The following DNER variants were observed in gnomAD, a reference collection of about 807,000 sequenced individuals.
DNER encodes the protein delta/notch like EGF repeat containing.
In DNER, 33 loss-of-function variants were observed where a neutral mutation model predicts 78.2. The ratio of observed to expected loss-of-function variants is 0.42; its 90% confidence interval spans 0.32 to 0.56. DNER has a LOEUF of 0.56. DNER is among the 20% of genes least tolerant of loss of function. DNER has a pLI of 0.11. For missense variants in DNER, 918 were observed against 975.3 expected (o/e 0.94, Z 0.78); for synonymous variants, 417 against 384.8 (o/e 1.08, Z -0.98).
At chr2:229,688,157 G>T (rs747351945) in intron 1 of DNER, among the ~76,000 whole-genome samples, 1 of 152,150 alleles carries the variant, frequency 6.6e-6, no homozygotes, top group Non-Finnish European at 1.5e-5. Context: ...TACACCAAAC[G>T]GACCTTCCTG....
At chr2:229,471,916 A>T (rs10933301) in intron 7 of DNER, among the ~76,000 whole-genome samples, 54,954 of 152,090 alleles carry the variant, frequency 0.36, 11,721 homozygotes, top group African/African-American at 0.6. Flanking sequence ...TCCACTCTAC[A>T]GCCTCGTCAC....
At chr2:229,548,276 G>C (rs1313049268) in intron 4 of DNER, among the ~76,000 whole-genome samples, 1 of 152,152 alleles carries the variant, frequency 6.6e-6, no homozygotes, top group African/African-American at 2.4e-5. Flanking sequence ...ATGGCTTAAA[G>C]AGCTAAATAC....
At chr2:229,407,443 G>T (rs1031193631) in intron 9 of DNER, 98 bp from the exon 10 acceptor site, 5 of 1,035,688 alleles carry the variant, frequency 4.8e-6, no homozygotes, top group African/African-American at 1.6e-5. Context: ...CAATGCGAGG[G>T]AGATTCCCAG....
intron 1 of DNER, among the ~76,000 whole-genome samples, chr2:229,599,062 A>C (rs1482180045): frequency 6.6e-6 from 1 of 152,116 alleles, no homozygotes. Flanking sequence ...CAAATGTGAC[A>C]AAGCCCCAGA....
At chr2:229,412,202 A>G (rs1157173020) in intron 9 of DNER, among the ~76,000 whole-genome samples, 1 of 152,226 alleles carries the variant, frequency 6.6e-6, no homozygotes, top group African/African-American at 2.4e-5. Flanking sequence ...CTAGTTTTGA[A>G]GGACACAGCA....
intron 11 of DNER, among the ~76,000 whole-genome samples, chr2:229,368,079 T>C (rs1692391621): frequency 6.6e-6 from 1 of 152,176 alleles, no homozygotes; most frequent in African/African-American, 2.4e-5. Context: ...AAATAAAATA[T>C]GGCTGGGCAT....
intron 5 of DNER, among the ~76,000 whole-genome samples, chr2:229,541,944 TACTTTA>T (rs1218560269): frequency 1.4e-5 from 2 of 147,262 alleles, no homozygotes; most frequent in African/African-American, 4.9e-5. Context: ...TATTTATATA[TACTTTA>T]TATTTATATT....
At position 229,383,151 on chromosome 2, in the gene DNER, C is replaced by G. The variant is rs1209787849; in HGVS notation, c.1855+5114G>C. On this transcript the variant is annotated intron_variant, in intron 11 of 12. Coordinates refer to ENST00000341772, the MANE Select transcript of DNER (RefSeq NM_139072.4). ...GAATTTTCAACCCAGAATTTCATAT[C>G]CAGCCAACCTAAGTTTCGTAAGTGA... Among the ~76,000 whole-genome samples the G allele has an allele frequency of 2.0e-5, 3 of 152,148 alleles. No homozygotes were observed. In the East Asian group the frequency reaches 5.8e-4, roughly 29 times the overall value.
intron 4 of DNER, among the ~76,000 whole-genome samples, chr2:229,575,302 A>C (rs10173138): frequency 1.5e-3 from 235 of 152,268 alleles, no homozygotes; most frequent in Middle Eastern, 3.4e-3. Context: ...ATCAGGCCCA[A>C]ATTGTAGAAT....
chr2:229,514,910 G>A (rs114923640), intron 5 of DNER, among the ~76,000 whole-genome samples: 1,607 of 152,226 alleles, frequency 0.011, 9 homozygotes, highest in Non-Finnish European at 0.016. Flanking sequence ...AACAGAATAC[G>A]GTTTTTTGCT....
chr2:229,705,228 G>A (rs905498990), intron 1 of DNER, among the ~76,000 whole-genome samples: 1 of 152,072 alleles, frequency 6.6e-6, no homozygotes, highest in Non-Finnish European at 1.5e-5. Flanking sequence ...ATCTGCCTCC[G>A]AAACCCAAAA....
intron 6 of DNER, among the ~76,000 whole-genome samples, chr2:229,492,299 T>C (rs1695417574): frequency 6.6e-6 from 1 of 152,044 alleles, no homozygotes; most frequent in African/African-American, 2.4e-5. Context: ...GTGGTTAGCT[T>C]GAAGCCCTGA....
At chr2:229,511,630 A>C (rs1695865587) in intron 6 of DNER, among the ~76,000 whole-genome samples, 1 of 152,220 alleles carries the variant, frequency 6.6e-6, no homozygotes, top group African/African-American at 2.4e-5. Flanking sequence ...AAATTAATAT[A>C]AACAAGAAGA....
chr2:229,472,918 C>A (rs1694953539), intron 7 of DNER, among the ~76,000 whole-genome samples: 1 of 152,116 alleles, frequency 6.6e-6, no homozygotes, highest in African/African-American at 2.4e-5. Flanking sequence ...GCAGACGTGT[C>A]CTGAAGGAGC....
intron 5 of DNER, among the ~76,000 whole-genome samples, chr2:229,543,623 G>T (rs900694719): frequency 6.6e-6 from 1 of 152,094 alleles, no homozygotes. Flanking sequence ...GAGAAGGCCT[G>T]GGGGAAGATC....
At chr2:229,645,883 G>A (rs1698709151) in intron 1 of DNER, among the ~76,000 whole-genome samples, 1 of 152,216 alleles carries the variant, frequency 6.6e-6, no homozygotes, top group South Asian at 2.1e-4. Flanking sequence ...TGTAAGCAGA[G>A]CAGACACAAA....
chr2:229,669,728 A>T (rs1216321095), intron 1 of DNER, among the ~76,000 whole-genome samples: 10 of 152,208 alleles, frequency 6.6e-5, no homozygotes, highest in Non-Finnish European at 1.3e-4. Flanking sequence ...ACTGGTGTAT[A>T]GGAATGCTTG....
intron 1 of DNER, among the ~76,000 whole-genome samples, chr2:229,620,356 A>G (rs1032759157): frequency 5.3e-5 from 8 of 152,254 alleles, no homozygotes; most frequent in African/African-American, 1.4e-4. Flanking sequence ...GGCTCAAATT[A>G]CTTTCATATC....
At chr2:229,711,479 C>T (rs1197035378) in intron 1 of DNER, among the ~76,000 whole-genome samples, 1 of 152,142 alleles carries the variant, frequency 6.6e-6, no homozygotes, top group Non-Finnish European at 1.5e-5. Flanking sequence ...GAAGCATGTC[C>T]TAGACCCCAT....
Sources: allele counts gnomAD v4.1 joint callset (sites outside exome capture counted in the v4.1 genomes callset), GRCh38; gene constraint gnomAD v4.1.1; transcripts MANE v1.5; gene names NCBI Gene and HGNC (gene_info 2026-07-23, HGNC 2026-07-21).